PCDHGA6: variants seen among roughly 807,000 people sequenced by gnomAD.
PCDHGA6 encodes protocadherin gamma subfamily A, 6, also known as protocadherin gamma-A6.
A neutral mutation model predicts 60.6 loss-of-function variants in PCDHGA6; 41 were observed. The observed-to-expected ratio is 0.68, with a 90% CI of 0.53 to 0.88. The LOEUF (loss-of-function observed/expected upper bound fraction) is 0.88, where lower values mean the gene tolerates loss of function less well. Among genes scored for constraint, PCDHGA6 ranks in the 40% least tolerant of loss-of-function variants. The probability of loss-of-function intolerance (pLI) is 0.00; values close to 1 mark genes in which losing one functional copy is unlikely to be tolerated. For synonymous variants in PCDHGA6, 594 were observed against 524.4 expected (o/e 1.13, Z -1.81); for missense variants, 1,312 against 1,203.0 (o/e 1.09, Z -1.34).
intron 3 of PCDHGA6, among the ~76,000 whole-genome samples, chr5:141,509,044 C>G (rs1385744160): frequency 1.3e-5 from 2 of 152,130 alleles, no homozygotes. Flanking sequence ...CCCTCTCCCC[C>G]GCCCCCAGAA....
intron 1 of PCDHGA6, chr5:141,389,725 TC>T (rs756659208): frequency 1.2e-6 from 2 of 1,612,726 alleles, no homozygotes; most frequent in East Asian, 4.5e-5. Flanking sequence ...GAGCCCGGGC[TC>T]TTCAGCCTGG....
rs2099664737 is a variant in PCDHGA6, at chr5:141,487,754, G to GTAGAC, written c.2425-7052_2425-7048dup. 1 of 1,552,036 alleles carries GTAGAC rather than the reference G, an allele frequency of 6.4e-7. No homozygotes were observed. The highest frequency in any genetic ancestry group is 1.4e-5 in the African/African-American group (1 of 73,242). ...CATTTTTGTAAGAGGTAACTATGTG[G>GTAGAC]TAGACGCTGTGCTTTGTAACTGTTT... On this transcript the variant is annotated intron_variant, in intron 1 of 3. Transcript: ENST00000517434. This position sits in a 1 kb window ranked among gnomAD's most constrained non-coding sequence, Gnocchi z 5.0.
At chr5:141,478,519 G>A in intron 1 of PCDHGA6, 2 of 1,610,728 alleles carry the variant, frequency 1.2e-6, no homozygotes, top group Non-Finnish European at 1.7e-6. Context: ...GGCAGGTGTT[G>A]GGTGCAGAGA....
chr5:141,398,587 C>T, intron 1 of PCDHGA6: 5 of 1,613,860 alleles, frequency 3.1e-6, no homozygotes, highest in Non-Finnish European at 3.4e-6. Context: ...AAGATTTATA[C>T]TAGAAGTAGC....
Position 141,489,802 on chromosome 5 carries a change from G to A in PCDHGA6, c.2425-5005G>A, listed in dbSNP as rs2099692541. On this transcript the variant is annotated intron_variant, in intron 1 of 3. Transcript: ENST00000517434. The surrounding 1 kb of genome is among the most constrained non-coding windows in gnomAD (Gnocchi z 4.5). ...TCTGAATGTGAAGACCCTAAAAGAT[G>A]GGAAGCCATTCCCAGAGCTGGTGCT... is the stretch of plus-strand genomic sequence containing the variant. 6.2e-7 allele frequency: 1 copy of A among 1,614,042 alleles called. No homozygotes were observed. The highest frequency in any genetic ancestry group is 1.1e-5 in the South Asian group (1 of 91,088).
intron 1 of PCDHGA6, among the ~76,000 whole-genome samples, chr5:141,382,171 G>T (rs1325332399): frequency 6.6e-6 from 1 of 151,984 alleles, no homozygotes; most frequent in African/African-American, 2.4e-5. Flanking sequence ...GTGTTAGACC[G>T]TCTCTAAGGT....
intron 1 of PCDHGA6, among the ~76,000 whole-genome samples, chr5:141,475,339 T>C (rs1295364417): frequency 1.3e-5 from 2 of 152,188 alleles, no homozygotes; most frequent in Non-Finnish European, 2.9e-5. Flanking sequence ...AACAATGACA[T>C]CCAGTTTTAA....
Position 141,393,179 on chromosome 5 carries a change from A to T in PCDHGA6, c.2424+16672A>T, listed in dbSNP as rs375085176. 8.7e-6 allele frequency: 14 copies of T among 1,613,202 alleles called. 2 individuals are homozygous for T. In the East Asian group the frequency reaches 2.5e-4, roughly 28 times the overall value. ...GAAAACTCTTTGGGGTAGAAATAGA[A>T]ATAATTGATATTAACGATAATAACC... On this transcript the variant is annotated intron_variant, in intron 1 of 3. Coordinates refer to ENST00000517434, the MANE Select transcript of PCDHGA6 (RefSeq NM_018919.3).
At chr5:141,390,299 A>G in intron 1 of PCDHGA6, 1 of 1,613,858 alleles carries the variant, frequency 6.2e-7, no homozygotes, top group Non-Finnish European at 8.5e-7. Context: ...TCCTTTAAGT[A>G]TAATTTAATG....
chr5:141,451,001 A>G (rs909477017), intron 1 of PCDHGA6, among the ~76,000 whole-genome samples: 1 of 148,266 alleles, frequency 6.7e-6, no homozygotes, highest in African/African-American at 2.5e-5. Context: ...ATTTTTTTGT[A>G]TTTTTTTTAG....
At chr5:141,383,515 C>G (rs749503295) in intron 1 of PCDHGA6, 1 of 1,612,350 alleles carries the variant, frequency 6.2e-7, no homozygotes, top group Non-Finnish European at 8.5e-7. Flanking sequence ...GGAGGAAGAG[C>G]GGGTTCACCA....
At chr5:141,459,938 C>T (rs373341229) in intron 1 of PCDHGA6, among the ~76,000 whole-genome samples, 4 of 152,148 alleles carry the variant, frequency 2.6e-5, no homozygotes, top group African/African-American at 4.8e-5. Context: ...TGTAGCTGGG[C>T]GTGATGGCAG....
chr5:141,432,722 T>G lies in PCDHGA6; in HGVS notation c.2424+56215T>G, dbSNP rs2097531915. 6.2e-7 allele frequency: 1 copy of G among 1,613,646 alleles called. No homozygotes were observed. Among genetic ancestry groups the G allele is most frequent in the African/African-American group, 1.3e-5 (1 of 74,900 alleles). ...CCAGGACCACGGCCAGCCCCCTCTC[T>G]CCGCCACTGTCACGCTCACCGTGGC... On this transcript the variant is annotated intron_variant, in intron 1 of 3. Coordinates refer to ENST00000517434, the MANE Select transcript of PCDHGA6 (RefSeq NM_018919.3). The surrounding 1 kb of genome is among the most constrained non-coding windows in gnomAD (Gnocchi z 6.0).
chr5:141,423,906 G>A (rs2096789586), intron 1 of PCDHGA6: 17 of 1,272,396 alleles, frequency 1.3e-5, no homozygotes, highest in Non-Finnish European at 1.7e-5. Context: ...ATTTCAAAGG[G>A]GCCATTCAAC....
chr5:141,387,492 G>C (rs779250536), intron 1 of PCDHGA6, among the ~76,000 whole-genome samples: 1 of 152,220 alleles, frequency 6.6e-6, no homozygotes, highest in Non-Finnish European at 1.5e-5. Flanking sequence ...GCATTCCTAA[G>C]AGTACATTTT....
chr5:141,500,271 C>T (rs936454651), intron 2 of PCDHGA6, among the ~76,000 whole-genome samples: 3 of 151,598 alleles, frequency 2.0e-5, no homozygotes, highest in African/African-American at 7.3e-5. Flanking sequence ...TGCAGTGGCG[C>T]AATCTCGGCT....
chr5:141,428,744 T>C (rs939886054), intron 1 of PCDHGA6: 10 of 155,306 alleles, frequency 6.4e-5, no homozygotes, highest in African/African-American at 2.4e-4. Context: ...ATATCTACTA[T>C]TGCTTCAGGT....
Position 141,432,403 on chromosome 5 carries a change from G to A in PCDHGA6, c.2424+55896G>A, listed in dbSNP as rs1279890312. The A allele has an allele frequency of 6.2e-7, 1 of 1,614,242 alleles. No homozygotes were observed. The highest frequency in any genetic ancestry group is 8.5e-7 in the Non-Finnish European group (1 of 1,180,052). On this transcript the variant is annotated intron_variant, in intron 1 of 3. Coordinates refer to ENST00000517434, the MANE Select transcript of PCDHGA6 (RefSeq NM_018919.3). The surrounding 1 kb of genome is among the most constrained non-coding windows in gnomAD (Gnocchi z 6.0). ...CGCCCCTCAGCAGCAACGTGTCGTT[G>A]AGCCTGTTCGTGCTGGACCAGAACG...
intron 3 of PCDHGA6, among the ~76,000 whole-genome samples, chr5:141,507,918 G>C (rs1409126707): frequency 6.6e-6 from 1 of 152,208 alleles, no homozygotes; most frequent in Non-Finnish European, 1.5e-5. Flanking sequence ...CAGGCCTGTG[G>C]GGCTGCTGAG....
Sources: allele counts gnomAD v4.1 joint callset (sites outside exome capture counted in the v4.1 genomes callset), GRCh38; gene constraint gnomAD v4.1.1; non-coding constraint Gnocchi (gnomAD v3.1); transcripts MANE v1.5; gene names NCBI Gene and HGNC (gene_info 2026-07-23, HGNC 2026-07-21).